The following NELL1 variants were observed in gnomAD, a reference collection of about 807,000 sequenced individuals.
NELL1 encodes protein kinase C-binding protein NELL1.
In NELL1, 76 loss-of-function variants were observed where a neutral mutation model predicts 107.4. That is an observed-to-expected ratio of 0.71 (90% CI 0.59 to 0.86). The LOEUF is 0.86. Ranked by LOEUF, NELL1 falls within the 40% of genes least tolerant of loss-of-function variation. The probability of loss-of-function intolerance (pLI) is 0.00; values close to 1 mark genes in which losing one functional copy is unlikely to be tolerated. For missense variants in NELL1, 1,024 were observed against 1,005.5 expected (o/e 1.02, Z -0.25); for synonymous variants, 353 against 341.2 (o/e 1.03, Z -0.38).
At chr11:21,321,257 C>T (rs1850002892) in intron 14 of NELL1, among the ~76,000 whole-genome samples, 2 of 152,128 alleles carry the variant, frequency 1.3e-5, no homozygotes, top group Non-Finnish European at 2.9e-5. Flanking sequence ...ATTTCCTACC[C>T]AGCATCAGCA....
At chr11:21,558,990 C>G (rs1198638706) in intron 16 of NELL1, among the ~76,000 whole-genome samples, 3 of 152,082 alleles carry the variant, frequency 2.0e-5, no homozygotes, top group South Asian at 2.1e-4. Flanking sequence ...ACTTACCATA[C>G]AGGCATCATA....
chr11:21,195,300 C>T (rs1489445879), intron 13 of NELL1, among the ~76,000 whole-genome samples: 3 of 152,104 alleles, frequency 2.0e-5, no homozygotes, highest in South Asian at 4.1e-4. Context: ...AAATTATAAT[C>T]ATAAAGGAGT....
intron 14 of NELL1, among the ~76,000 whole-genome samples, chr11:21,246,287 T>C (rs1412274795): frequency 1.3e-5 from 2 of 152,184 alleles, no homozygotes; most frequent in African/African-American, 4.8e-5. Flanking sequence ...CTATGTAGTT[T>C]AGGCTAGAGT....
intron 12 of NELL1, among the ~76,000 whole-genome samples, chr11:21,075,567 C>G (rs1413042458): frequency 1.3e-5 from 2 of 152,138 alleles, no homozygotes; most frequent in Non-Finnish European, 2.9e-5. Context: ...CTGCCTTGAA[C>G]TCCTGGGCTC....
chr11:20,998,512 A>G (rs1049446936), intron 12 of NELL1, among the ~76,000 whole-genome samples: 1 of 152,160 alleles, frequency 6.6e-6, no homozygotes, highest in African/African-American at 2.4e-5. Flanking sequence ...TAAACACCTT[A>G]TAAATAGTCC....
intron 12 of NELL1, among the ~76,000 whole-genome samples, chr11:21,023,139 A>T (rs1193781355): frequency 6.6e-6 from 1 of 152,124 alleles, no homozygotes; most frequent in Non-Finnish European, 1.5e-5. Flanking sequence ...TAAAGACCCA[A>T]AGCCATAGAG....
intron 3 of NELL1, among the ~76,000 whole-genome samples, chr11:20,841,397 TA>T (rs1286950128): frequency 4.0e-5 from 6 of 151,544 alleles, no homozygotes; most frequent in Non-Finnish European, 8.8e-5. Flanking sequence ...TATATTTTAG[TA>T]TGTGCCCAGT....
At chr11:21,083,218 G>A (rs1482895061) in intron 12 of NELL1, among the ~76,000 whole-genome samples, 1 of 152,172 alleles carries the variant, frequency 6.6e-6, no homozygotes, top group Non-Finnish European at 1.5e-5. Context: ...GGCCATTGGA[G>A]GAAAATGATC....
At chr11:21,145,959 A>G (rs2133778345) in intron 13 of NELL1, among the ~76,000 whole-genome samples, 1 of 152,300 alleles carries the variant, frequency 6.6e-6, no homozygotes, top group African/African-American at 2.4e-5. Context: ...AGAACAAAGT[A>G]GGTTTGCAAG....
At chr11:21,340,872 T>C (rs1850548177) in intron 14 of NELL1, among the ~76,000 whole-genome samples, 1 of 152,132 alleles carries the variant, frequency 6.6e-6, no homozygotes, top group Admixed American at 6.5e-5. Context: ...AGACAGTAAA[T>C]TTATGCTGTT....
chr11:21,067,207 A>G (rs1565042133), intron 12 of NELL1, among the ~76,000 whole-genome samples: 1 of 152,274 alleles, frequency 6.6e-6, no homozygotes, highest in Non-Finnish European at 1.5e-5. Flanking sequence ...TGAAAGGGGA[A>G]TTTGTGGTGA....
chr11:21,452,275 G>C (rs573008903), intron 15 of NELL1, among the ~76,000 whole-genome samples: 26 of 152,050 alleles, frequency 1.7e-4, no homozygotes, highest in South Asian at 8.3e-4. Flanking sequence ...ATCATTCACT[G>C]TCTGGTGTCT....
intron 4 of NELL1, among the ~76,000 whole-genome samples, chr11:20,877,247 A>C (rs568610815): frequency 6.6e-6 from 1 of 152,258 alleles, no homozygotes; most frequent in Non-Finnish European, 1.5e-5. Flanking sequence ...CAGCAAGAGC[A>C]TGAGAGCTTC....
intron 3 of NELL1, among the ~76,000 whole-genome samples, chr11:20,796,544 C>A (rs1378560222): frequency 5.5e-5 from 1 of 18,220 alleles, no homozygotes; most frequent in Non-Finnish European, 2.0e-4. Flanking sequence ...TGGAGACTTG[C>A]CCTAAAAAAT....
At chr11:21,560,848 T>C (rs1408760340) in intron 17 of NELL1, among the ~76,000 whole-genome samples, 2 of 152,112 alleles carry the variant, frequency 1.3e-5, no homozygotes, top group African/African-American at 4.8e-5. Flanking sequence ...AGGTGGATTT[T>C]CATTTTGAAC....
rs112330140 is a variant in NELL1 at position 21,240,397 on chromosome 11, C to A, written c.1549+10943C>A. Among the ~76,000 whole-genome samples, 188 of 151,902 alleles carry A rather than the reference C, an allele frequency of 1.2e-3. 1 individual carries two copies. The highest frequency in any genetic ancestry group is 5.2e-3 in the South Asian group (25 of 4,804). On this transcript the variant is annotated intron_variant, in intron 14 of 19. Coordinates refer to ENST00000357134, the MANE Select transcript of NELL1 (RefSeq NM_006157.5). Reference sequence around the variant, plus strand: ...TATAATCCTGAAGTGGGAGGGGGAACTTCTTAATTCCAATTTAGTTCTAAG... The same window carrying A: ...TATAATCCTGAAGTGGGAGGGGGAAATTCTTAATTCCAATTTAGTTCTAAG...
rs151115568 is a variant in NELL1, at chr11:21,190,293, A to G, written c.1427-39039A>G. On this transcript the variant is annotated intron_variant, in intron 13 of 19. Coordinates refer to ENST00000357134, the MANE Select transcript of NELL1 (RefSeq NM_006157.5). The stretch of plus-strand genomic sequence containing the variant: ...CTTGAATCCAGGAGGTGGAGGTAAT[A>G]GTGAGCAGAGATCGCACCACTGCAC... 2.7e-3 allele frequency among the ~76,000 whole-genome samples: 414 copies of G among 151,984 alleles called. 12 individuals are homozygous for G. Among genetic ancestry groups the G allele is most frequent in the African/African-American group, 9.6e-3 (396 of 41,258 alleles).
chr11:20,940,110 G>C (rs1449598343), intron 10 of NELL1, among the ~76,000 whole-genome samples: 2 of 151,990 alleles, frequency 1.3e-5, no homozygotes, highest in Non-Finnish European at 2.9e-5. Context: ...CCTCAACAAA[G>C]ATGAATAGAA....
chr11:21,019,890 G>A (rs1852657486), intron 12 of NELL1, among the ~76,000 whole-genome samples: 1 of 150,934 alleles, frequency 6.6e-6, no homozygotes, highest in Non-Finnish European at 1.5e-5. Context: ...AATAAGCCCT[G>A]CACTTACATC....
Sources: gnomAD v4.1 joint callset for allele counts (sites outside exome capture counted in the v4.1 genomes callset) on GRCh38, gnomAD v4.1.1 for gene constraint, MANE v1.5 for transcripts, NCBI Gene and HGNC (gene_info 2026-07-23, HGNC 2026-07-21) for gene names.